The following SYNE2 variants were observed in gnomAD, a reference collection of about 807,000 sequenced individuals.
SYNE2 encodes the protein nesprin-2.
In SYNE2, 431 loss-of-function variants were observed where a neutral mutation model predicts 856.3. The observed-to-expected ratio is 0.50, with a 90% CI of 0.47 to 0.55. The LOEUF (loss-of-function observed/expected upper bound fraction) is 0.55, where lower values mean the gene tolerates loss of function less well. Among genes scored for constraint, SYNE2 ranks in the 20% least tolerant of loss-of-function variants. SYNE2 has a pLI of 0.00. For synonymous variants in SYNE2, 2,923 were observed against 2,872.3 expected (o/e 1.02, Z -0.56); for missense variants, 8,129 against 8,023.2 (o/e 1.01, Z -0.50).
intron 57 of SYNE2, chr14:64,087,378 A>G (rs1283402087): frequency 5.3e-6 from 3 of 565,398 alleles, no homozygotes; most frequent in Non-Finnish European, 1.0e-5. Flanking sequence ...AGGGCTTATT[A>G]TGTATAATAA....
upstream of SYNE2, among the ~76,000 whole-genome samples, chr14:63,849,143 G>C (rs1890322803): frequency 6.6e-6 from 1 of 152,098 alleles, no homozygotes; most frequent in Admixed American, 6.6e-5. Context: ...TTCTTGGCTA[G>C]CTATTTTCAT....
chr14:64,129,881 CAGG>C lies in SYNE2; in HGVS notation c.14123_14125del (p.Glu4708del), dbSNP rs1282633043. The C allele has an allele frequency of 6.2e-7, 1 of 1,613,936 alleles. No individual in the cohort carries two copies. Among genetic ancestry groups the C allele is most frequent in the Non-Finnish European group, 8.5e-7 (1 of 1,180,016 alleles). ...GCTTCATTTACCTTATGCTTTACTC[CAGG>C]AGGTTTACAAATTAGAGGTATGCCT... On this transcript the variant is annotated inframe_deletion, in exon 75 of 116. Transcript: ENST00000555002.
intron 60 of SYNE2, among the ~76,000 whole-genome samples, chr14:64,092,221 C>T (rs936619886): frequency 1.3e-5 from 2 of 152,162 alleles, no homozygotes; most frequent in African/African-American, 2.4e-5. Context: ...TCTTCACAGA[C>T]GAAATGGGTG....
chr14:64,009,267 C>A (rs993454496), intron 31 of SYNE2, among the ~76,000 whole-genome samples: 2 of 152,014 alleles, frequency 1.3e-5, no homozygotes, highest in African/African-American at 4.8e-5. Context: ...CACAGTGGCT[C>A]ACACCTATAT....
At chr14:64,126,301 C>G in intron 71 of SYNE2, 26 bp from the exon 72 acceptor site, 2 of 1,605,198 alleles carry the variant, frequency 1.2e-6, no homozygotes, top group African/African-American at 2.7e-5. Context: ...TCTTAATTTT[C>G]TTTTTCTTTT....
chr14:64,041,187 TAAAG>T (rs1372921568), intron 45 of SYNE2, among the ~76,000 whole-genome samples: 2 of 151,978 alleles, frequency 1.3e-5, no homozygotes, highest in African/African-American at 2.4e-5. Context: ...AAAAATATAT[TAAAG>T]AAAAGCTTAA....
intron 1 of SYNE2, among the ~76,000 whole-genome samples, chr14:63,781,315 G>A (rs1887299963): frequency 6.6e-6 from 1 of 151,408 alleles, no homozygotes; most frequent in Admixed American, 6.6e-5. Flanking sequence ...GGACATCGCT[G>A]TATGGAAATT....
intron 75 of SYNE2, 52 bp downstream of exon 75, chr14:64,129,953 ATCCTTTTCT>A (rs764599665): frequency 6.2e-7 from 1 of 1,613,916 alleles, no homozygotes; most frequent in Non-Finnish European, 8.5e-7. Flanking sequence ...GAGGAGCCAG[ATCCTTTTCT>A]TCCACCAGCA....
intron 82 of SYNE2, 139 bp from the exon 83 acceptor site, chr14:64,143,633 G>A (rs1276342201): frequency 9.4e-6 from 8 of 846,972 alleles, no homozygotes; most frequent in Admixed American, 1.9e-5. Flanking sequence ...GTAGGTTGGG[G>A]AGGGTAGAAC....
intron 57 of SYNE2, among the ~76,000 whole-genome samples, chr14:64,086,858 C>T (rs1031593023): frequency 7.3e-5 from 11 of 151,396 alleles, no homozygotes; most frequent in African/African-American, 2.4e-4. Flanking sequence ...TACAGGCTTC[C>T]GCCACCACAC....
At chr14:63,817,754 T>C (rs1889052481) in intron 1 of SYNE2, among the ~76,000 whole-genome samples, 1 of 152,178 alleles carries the variant, frequency 6.6e-6, no homozygotes, top group African/African-American at 2.4e-5. Flanking sequence ...CCAGGCGTGG[T>C]GGCTCATGTC....
At chr14:64,137,230 C>T (rs1299210516) in intron 78 of SYNE2, among the ~76,000 whole-genome samples, 8 of 152,266 alleles carry the variant, frequency 5.3e-5, no homozygotes, top group East Asian at 1.9e-4. Flanking sequence ...GACACAGTCT[C>T]GCTCTGTCGC....
rs368195378 is a variant in SYNE2, at chr14:63,783,711, A to G, written c.-305+21725A>G. On this transcript the variant is annotated intron_variant, in intron 1 of 23. Transcript: ENST00000674003. ...GGCCAGAGGAGCAGTTCCAGACTAA[A>G]AGAGACCAAAGATTGCCTTTATAAC... Among the ~76,000 whole-genome samples the G allele has an allele frequency of 4.9e-4, 75 of 152,320 alleles. 1 individual carries two copies. The highest frequency in any genetic ancestry group is 3.5e-3 in the South Asian group (17 of 4,822).
At chr14:64,210,595 A>G (rs2098635515) in intron 103 of SYNE2, among the ~76,000 whole-genome samples, 1 of 152,206 alleles carries the variant, frequency 6.6e-6, no homozygotes, top group Non-Finnish European at 1.5e-5. Flanking sequence ...GACTGTGATT[A>G]TTCTCTGAAT....
At chr14:63,984,103 C>T (rs45525941) in intron 18 of SYNE2, among the ~76,000 whole-genome samples, 10 of 152,048 alleles carry the variant, frequency 6.6e-5, no homozygotes, top group Admixed American at 1.3e-4. Flanking sequence ...ATTAGCTGGA[C>T]GTGTGTTTGT....
At chr14:63,930,363 A>G (rs538876848) in intron 2 of SYNE2, among the ~76,000 whole-genome samples, 2 of 151,876 alleles carry the variant, frequency 1.3e-5, no homozygotes, top group South Asian at 2.1e-4. Flanking sequence ...TTTATGGTAC[A>G]TGAGTTATAT....
intron 94 of SYNE2, among the ~76,000 whole-genome samples, chr14:64,172,895 A>C (rs2098417561): frequency 1.3e-5 from 2 of 151,786 alleles, no homozygotes; most frequent in South Asian, 4.2e-4. Context: ...TGGTCACACC[A>C]CTGCACTCCA....
intron 94 of SYNE2, among the ~76,000 whole-genome samples, chr14:64,171,414 T>C (rs1326168882): frequency 6.9e-6 from 1 of 145,458 alleles, no homozygotes; most frequent in Non-Finnish European, 1.5e-5. Flanking sequence ...CCAGAATAAT[T>C]AATCAGATAA....
chr14:64,042,756 C>T (rs979714842), intron 45 of SYNE2, among the ~76,000 whole-genome samples: 10 of 72,892 alleles, frequency 1.4e-4, no homozygotes, highest in Non-Finnish European at 3.8e-4. Context: ...ATCCATTAAA[C>T]CTCTTTCTTT....
Sources: allele counts gnomAD v4.1 joint callset (sites outside exome capture counted in the v4.1 genomes callset), GRCh38; gene constraint gnomAD v4.1.1; transcripts MANE v1.5; gene names NCBI Gene and HGNC (gene_info 2026-07-23, HGNC 2026-07-21).